The following PHLPP1 variants were observed in gnomAD, a reference collection of about 807,000 sequenced individuals.
The protein encoded by PHLPP1 is PH domain leucine-rich repeat-containing protein phosphatase 1.
PHLPP1 carries 42 observed loss-of-function variants against 117.2 expected under a neutral mutation model. That is an observed-to-expected ratio of 0.36 (90% confidence interval 0.28 to 0.46). PHLPP1 has a LOEUF of 0.46. Ranked by LOEUF, PHLPP1 falls within the 20% of genes least tolerant of loss-of-function variation. PHLPP1 has a pLI of 1.00. For synonymous variants in PHLPP1, 1,042 were observed against 970.7 expected, an observed-to-expected ratio of 1.07 and a Z score of -1.37; for missense variants, 2,084 against 2,241.9, an observed-to-expected ratio of 0.93 and a Z score of 1.42.
At chr18:62,821,813 G>T (rs571104271) in intron 1 of PHLPP1, among the ~76,000 whole-genome samples, 2 of 150,792 alleles carry the variant, frequency 1.3e-5, no homozygotes, top group South Asian at 4.2e-4. Context: ...GTGCAGTGGT[G>T]CTGTTTCGGC....
At chr18:62,976,515 A>G (rs515563) in intron 16 of PHLPP1, among the ~76,000 whole-genome samples, 66,619 of 152,138 alleles carry the variant, frequency 0.44, 14,757 homozygotes, top group East Asian at 0.63. Flanking sequence ...ATTTACCTTC[A>G]ATTGTGTTTG....
intron 5 of PHLPP1, 138 bp downstream of exon 5, chr18:62,895,295 T>C (rs1916528356): frequency 6.4e-6 from 5 of 787,200 alleles, no homozygotes; most frequent in South Asian, 5.5e-5. Flanking sequence ...TCAGGGACTA[T>C]GTAGTCCGTA....
At chr18:62,850,121 G>A (rs1008706528) in intron 3 of PHLPP1, among the ~76,000 whole-genome samples, 2 of 149,350 alleles carry the variant, frequency 1.3e-5, no homozygotes, top group Non-Finnish European at 3.0e-5. Context: ...CGGGTGTGGT[G>A]GCTCACGCCT....
intron 2 of PHLPP1, among the ~76,000 whole-genome samples, chr18:62,831,997 G>A (rs1914771495): frequency 6.6e-6 from 1 of 152,164 alleles, no homozygotes; most frequent in Non-Finnish European, 1.5e-5. Context: ...TGGATGGATG[G>A]ATTACTGAAA....
intron 1 of PHLPP1, among the ~76,000 whole-genome samples, chr18:62,722,763 CTT>C (rs1910961039): frequency 6.6e-6 from 1 of 152,118 alleles, no homozygotes; most frequent in Non-Finnish European, 1.5e-5. Context: ...ACTCCAGAAA[CTT>C]ATGATAAATT....
intron 15 of PHLPP1, among the ~76,000 whole-genome samples, chr18:62,974,318 C>T (rs1262932302): frequency 1.3e-5 from 2 of 152,082 alleles, no homozygotes; most frequent in East Asian, 1.9e-4. Flanking sequence ...TAAGAGGGTA[C>T]GGGTTGTGTG....
intron 1 of PHLPP1, among the ~76,000 whole-genome samples, chr18:62,766,432 G>A: frequency 6.6e-6 from 1 of 151,946 alleles, no homozygotes; most frequent in East Asian, 1.9e-4. Context: ...AAAAGGAACT[G>A]GGCCTGTCTA....
intron 1 of PHLPP1, among the ~76,000 whole-genome samples, chr18:62,781,542 C>T (rs1445509644): frequency 6.6e-6 from 1 of 152,156 alleles, no homozygotes; most frequent in African/African-American, 2.4e-5. Flanking sequence ...CTCTGACGCT[C>T]ACCTTCACTT....
chr18:62,870,147 C>T (rs1025176675), intron 4 of PHLPP1, among the ~76,000 whole-genome samples: 1 of 152,138 alleles, frequency 6.6e-6, no homozygotes, highest in African/African-American at 2.4e-5. Context: ...CTGCCAGCCT[C>T]GGTCTCCCAC....
At chr18:62,906,216 A>G (rs574234319) in intron 8 of PHLPP1, 3 of 152,356 alleles carry the variant, frequency 2.0e-5, no homozygotes, top group African/African-American at 7.2e-5. Context: ...AGCTATTTTA[A>G]TAATCTATTC....
In PHLPP1 at chr18:62,914,962, G is replaced by C; in HGVS notation, c.2758G>C (p.Glu920Gln). 6.2e-7 allele frequency: 1 copy of C among 1,613,818 alleles called. No homozygotes were observed. Among genetic ancestry groups the C allele is most frequent in the Non-Finnish European group, 8.5e-7 (1 of 1,179,798 alleles). The change falls in exon 9 of 17, where the codon GAA (glutamate) becomes CAA (glutamine). Residue 920 changes from glutamate to glutamine, a missense_variant. Around this residue, in one of 2 missense-constraint regions of PHLPP1, gnomAD observed 1,365 missense variants for 1,605.9 expected, o/e 0.85. Coordinates refer to ENST00000262719, the MANE Select transcript of PHLPP1 (RefSeq NM_194449.4). ...GTGGGTATGTGAAAGCCGAAAGCTA[G>C]AAGTTTTGGATATTGGCCATAATCA... is the stretch of plus-strand genomic sequence containing the variant. ...PEWVCESRKL[E>Q]VLDIGHNQIC...
chr18:62,893,890 C>T (rs1916487827), intron 4 of PHLPP1, among the ~76,000 whole-genome samples: 1 of 151,936 alleles, frequency 6.6e-6, no homozygotes, highest in East Asian at 1.9e-4. Context: ...AAAAGAAGTG[C>T]CAGTTTGGAA....
intron 1 of PHLPP1, among the ~76,000 whole-genome samples, chr18:62,805,295 T>C (rs1437639553): frequency 6.8e-6 from 1 of 148,148 alleles, no homozygotes; most frequent in Admixed American, 6.7e-5. Context: ...TAATATACAC[T>C]GCATAGGTTA....
At chr18:62,726,290 C>T (rs959816874) in intron 1 of PHLPP1, among the ~76,000 whole-genome samples, 1 of 150,240 alleles carries the variant, frequency 6.7e-6, no homozygotes, top group Non-Finnish European at 1.5e-5. Flanking sequence ...TAATTGGTAA[C>T]TCATTGTGAC....
At chr18:62,805,941 A>C (rs1003683159) in intron 1 of PHLPP1, among the ~76,000 whole-genome samples, 1 of 151,992 alleles carries the variant, frequency 6.6e-6, no homozygotes, top group African/African-American at 2.4e-5. Context: ...ATTTTTATCT[A>C]ATTCATTCTC....
chr18:62,846,048 A>G (rs935976614), intron 3 of PHLPP1, among the ~76,000 whole-genome samples: 3 of 151,970 alleles, frequency 2.0e-5, no homozygotes, highest in African/African-American at 7.3e-5. Flanking sequence ...CACTAAAAAT[A>G]CAAAAAAAAA....
intron 10 of PHLPP1, among the ~76,000 whole-genome samples, chr18:62,927,564 A>G (rs1341720477): frequency 1.3e-5 from 2 of 152,220 alleles, no homozygotes; most frequent in African/African-American, 2.4e-5. Context: ...ATGGAAGAAA[A>G]TGACAGTTAT....
chr18:62,737,649 G>A (rs1911408516), intron 1 of PHLPP1, among the ~76,000 whole-genome samples: 1 of 152,134 alleles, frequency 6.6e-6, no homozygotes, highest in South Asian at 2.1e-4. Context: ...CTGCTTGTGA[G>A]GTTTGTACAA....
chr18:62,857,284 TAAA>T (rs1915525015), intron 3 of PHLPP1, among the ~76,000 whole-genome samples: 1 of 150,272 alleles, frequency 6.7e-6, no homozygotes, highest in African/African-American at 2.4e-5. Context: ...TGTATTGTAT[TAAA>T]AATTGTTTTC....
Sources: gnomAD v4.1 joint callset for allele counts (sites outside exome capture counted in the v4.1 genomes callset) on GRCh38, gnomAD v4.1.1 for gene constraint, gnomAD v4.1.1 regional missense constraint, MANE v1.5 for transcripts, NCBI Gene and HGNC (gene_info 2026-07-23, HGNC 2026-07-21) for gene names.